The following MMP20 variants were observed in gnomAD, a reference collection of about 807,000 sequenced individuals.
The protein encoded by MMP20 is matrix metalloproteinase-20.
In MMP20, 50 loss-of-function variants were observed where a neutral mutation model predicts 51.8. The observed-to-expected ratio is 0.97, with a 90% CI of 0.77 to 1.22. The LOEUF (loss-of-function observed/expected upper bound fraction) is 1.22. MMP20 is among the 50% of genes most tolerant of loss of function. The pLI is 0.00. For missense variants in MMP20, 663 were observed against 601.4 expected (o/e 1.10, Z -1.07); for synonymous variants, 244 against 216.2 (o/e 1.13, Z -1.13).
chr11:102,601,134 T>A (rs374185185), intron 6 of MMP20, among the ~76,000 whole-genome samples: 41 of 22,116 alleles, frequency 1.9e-3, no homozygotes, highest in South Asian at 0.013. Flanking sequence ...TCTTTTTTTT[T>A]TTTTTTTTTT....
intron 4 of MMP20, 71 bp from the exon 5 acceptor site, chr11:102,609,169 G>C: frequency 7.3e-7 from 1 of 1,366,382 alleles, no homozygotes; most frequent in East Asian, 2.3e-5. Context: ...CATCTTTATA[G>C]TATAATTTAT....
intron 2 of MMP20, among the ~76,000 whole-genome samples, chr11:102,613,210 T>A (rs2135944370): frequency 6.6e-6 from 1 of 152,286 alleles, no homozygotes; most frequent in East Asian, 1.9e-4. Context: ...TGTTAGAACT[T>A]TCTGCTCTGA....
In MMP20 at chr11:102,586,327, A is replaced by G. The variant is rs572450648; in HGVS notation, c.1247+7112T>C. On this transcript the variant is annotated intron_variant, in intron 8 of 9. Transcript: ENST00000260228. Reference sequence around the variant, plus strand: ...GATTACTGCTTTAATATCTTTTCTTATTGTAGGCATATTCAGACTGTGTAT... The same window carrying G: ...GATTACTGCTTTAATATCTTTTCTTGTTGTAGGCATATTCAGACTGTGTAT... 2.6e-5 allele frequency among the ~76,000 whole-genome samples: 4 copies of G among 151,954 alleles called. No homozygotes were observed. In the South Asian group the frequency reaches 8.3e-4, roughly 32 times the overall value.
At position 102,621,647 on chromosome 11, in the gene MMP20, G is replaced by A. The variant is rs181385294; in HGVS notation, c.126+3547C>T. Among the ~76,000 whole-genome samples the A allele has an allele frequency of 3.3e-3, 502 of 152,286 alleles. 1 individual carries two copies. Among genetic ancestry groups the A allele is most frequent in the African/African-American group, 0.012 (479 of 41,566 alleles). ...TGTTTAAATTAGCTTGATGTACAAA[G>A]ATGCTTATAGAAGCCTTATTCATAT... On this transcript the variant is annotated intron_variant, in intron 1 of 9. Transcript: ENST00000260228.
chr11:102,619,481 A>G (rs1054712952), intron 1 of MMP20, among the ~76,000 whole-genome samples: 15 of 152,164 alleles, frequency 9.9e-5, no homozygotes, highest in African/African-American at 3.6e-4. Flanking sequence ...ACACCATCCC[A>G]GTCATATCAC....
Position 102,606,826 on chromosome 11 carries a change from G to C in MMP20, c.812-150C>G, listed in dbSNP as rs1042426999. ...GAGGGCAGGTATGGGTTTGAGTCCCGGCTCTCCTGGTTGCTGAGCTGTGTG... is the reference window on the plus strand; with the variant it reads ...GAGGGCAGGTATGGGTTTGAGTCCCCGCTCTCCTGGTTGCTGAGCTGTGTG... On this transcript the variant is annotated intron_variant, in intron 5 of 9. Transcript: ENST00000260228. 3.5e-6 allele frequency: 3 copies of C among 854,538 alleles called. No individual in the cohort carries two copies. In the East Asian group the frequency reaches 7.8e-5, roughly 22 times the overall value. The allele number at this position is 854,538 out of a possible 1,614,324, so 52.9% of individuals were successfully genotyped here.
At position 102,606,569 on chromosome 11, in the gene MMP20, T is replaced by C; in HGVS notation, c.919A>G (p.Met307Val). ...DSSSSFDAVT[M>V]LGKELLLFKD... Reference sequence around the variant, plus strand: ...AAGAGCAGGAGCTCCTTCCCCAGCATTGTCACAGCGTCAAAGGATGAGCTG... The same window carrying C: ...AAGAGCAGGAGCTCCTTCCCCAGCACTGTCACAGCGTCAAAGGATGAGCTG... Residue 307 changes from methionine (M) to valine (V), a missense_variant, in exon 6 of 10, where the codon ATG becomes GTG. Transcript: ENST00000260228. 1.9e-6 allele frequency: 3 copies of C among 1,613,922 alleles called. No homozygotes were observed. Among genetic ancestry groups the C allele is most frequent in the African/African-American group, 1.3e-5 (1 of 75,012 alleles).
At chr11:102,599,259 A>G (rs528548437) in intron 6 of MMP20, among the ~76,000 whole-genome samples, 1 of 152,216 alleles carries the variant, frequency 6.6e-6, no homozygotes, top group South Asian at 2.1e-4. Context: ...ACCTCAAGTG[A>G]TCTGCCTGCC....
At chr11:102,607,593 T>C (rs1304622257) in intron 5 of MMP20, 1 of 152,222 alleles carries the variant, frequency 6.6e-6, no homozygotes, top group Non-Finnish European at 1.5e-5. Context: ...TTTGGGAGAA[T>C]ATCGAAGCTG....
intron 1 of MMP20, 79 bp from the exon 2 acceptor site, chr11:102,617,138 T>G: frequency 6.5e-7 from 1 of 1,530,238 alleles, no homozygotes; most frequent in Non-Finnish European, 9.0e-7. Flanking sequence ...GGGGACAGCA[T>G]TCCTGATGTA....
At chr11:102,591,580 G>C (rs1859317856) in intron 8 of MMP20, among the ~76,000 whole-genome samples, 1 of 152,162 alleles carries the variant, frequency 6.6e-6, no homozygotes, top group South Asian at 2.1e-4. Flanking sequence ...ACCTGAGAAG[G>C]TTAGAAGTGC....
chr11:102,612,493 A>G (rs1859615152), intron 2 of MMP20, among the ~76,000 whole-genome samples: 1 of 152,130 alleles, frequency 6.6e-6, no homozygotes, highest in African/African-American at 2.4e-5. Flanking sequence ...AATAAGATAA[A>G]TAAAACTTGT....
Position 102,593,332 on chromosome 11 carries a change from C to T in MMP20, c.1247+107G>A, listed in dbSNP as rs2292732. ...CACCCCAGTGGCCGAGAAGAGTCAA[C>T]GGGCCTATCGCAAACTTGCTTTGCA... On this transcript the variant is annotated intron_variant, in intron 8 of 9. Transcript: ENST00000260228. 5,058 of 1,159,118 alleles carry T rather than the reference C, an allele frequency of 4.4e-3. 184 individuals are homozygous for T. The East Asian group carries it at 0.067, about 15-fold the overall frequency. The allele number at this position is 1,159,118 out of a possible 1,614,324, so 71.8% of individuals were successfully genotyped here.
intron 8 of MMP20, among the ~76,000 whole-genome samples, chr11:102,587,974 G>T (rs777854179): frequency 5.9e-5 from 9 of 151,964 alleles, no homozygotes; most frequent in Non-Finnish European, 1.2e-4. Flanking sequence ...ATTTATGCTT[G>T]CCATTTTACT....
At chr11:102,580,399 C>T (rs915706650) in intron 8 of MMP20, among the ~76,000 whole-genome samples, 9 of 143,576 alleles carry the variant, frequency 6.3e-5, no homozygotes, top group African/African-American at 2.4e-4. Context: ...GCCTGGGCTA[C>T]TGAAAAATTT....
intron 6 of MMP20, among the ~76,000 whole-genome samples, chr11:102,603,545 C>T (rs1279920425): frequency 6.6e-6 from 1 of 152,136 alleles, no homozygotes; most frequent in African/African-American, 2.4e-5. Flanking sequence ...ATACTTCAGG[C>T]CTCACAGGGG....
chr11:102,593,718 C>A lies in MMP20; in HGVS notation c.1091-123G>T, dbSNP rs1015000148. On this transcript the variant is annotated intron_variant, in intron 7 of 9. Transcript: ENST00000260228. ...TATGGGATACTTGCCATGGCTATAA[C>A]CCAACAAGAGATATAAGCTTCTAAC... 1.2e-5 allele frequency: 13 copies of A among 1,113,346 alleles called. No individual in the cohort carries two copies. In the African/African-American group the frequency reaches 1.6e-4, roughly 13 times the overall value. The allele number at this position is 1,113,346 out of a possible 1,614,324, so 69.0% of individuals were successfully genotyped here. A position where few individuals can be genotyped will look rare whatever the true frequency, so the allele number is the denominator to read the frequency against.
chr11:102,593,054 C>G (rs1220319279), intron 8 of MMP20, among the ~76,000 whole-genome samples: 1 of 152,148 alleles, frequency 6.6e-6, no homozygotes, highest in Non-Finnish European at 1.5e-5. Flanking sequence ...TCCATTTTGC[C>G]CCAAATCATG....
intron 1 of MMP20, among the ~76,000 whole-genome samples, chr11:102,624,217 C>T (rs930871705): frequency 6.6e-6 from 1 of 152,156 alleles, no homozygotes; most frequent in Non-Finnish European, 1.5e-5. Context: ...AGGAAAGCAG[C>T]CCTGAGGCGG....
Sources: allele counts gnomAD v4.1 joint callset (sites outside exome capture counted in the v4.1 genomes callset), GRCh38; gene constraint gnomAD v4.1.1; transcripts MANE v1.5; gene names NCBI Gene and HGNC (gene_info 2026-07-23, HGNC 2026-07-21).